Variants in CNGA1 observed in about 807,000 individuals in gnomAD.
The protein encoded by CNGA1 is cyclic nucleotide gated channel subunit alpha 1.
Under a neutral mutation model 69.7 loss-of-function variants are expected in CNGA1, and 53 were observed. That is an observed-to-expected ratio of 0.76 (90% confidence interval 0.61 to 0.96). The LOEUF (loss-of-function observed/expected upper bound fraction) is 0.96, where lower values mean the gene tolerates loss of function less well. Ranked by LOEUF, CNGA1 falls within the 40% of genes least tolerant of loss-of-function variation. CNGA1 has a pLI of 0.00. For synonymous variants in CNGA1, 249 were observed against 283.5 expected (o/e 0.88, Z 1.22); for missense variants, 739 against 811.2 (o/e 0.91, Z 1.08).
At chr4:47,980,482 T>C (rs1181421660) in intron 3 of CNGA1, among the ~76,000 whole-genome samples, 2 of 149,644 alleles carry the variant, frequency 1.3e-5, no homozygotes, top group Non-Finnish European at 3.0e-5. Flanking sequence ...CTTTTTTTTT[T>C]TTTTTTTTTT....
chr4:47,991,660 CT>C (rs1373504534), intron 2 of CNGA1, among the ~76,000 whole-genome samples: 1 of 152,154 alleles, frequency 6.6e-6, no homozygotes, highest in Non-Finnish European at 1.5e-5. Context: ...GGTAAAAGCA[CT>C]TTAGTTTAAT....
intron 2 of CNGA1, among the ~76,000 whole-genome samples, chr4:48,000,785 A>G (rs973813122): frequency 3.9e-5 from 6 of 152,228 alleles, no homozygotes; most frequent in Non-Finnish European, 5.9e-5. Context: ...ATGAGAAACA[A>G]TGTAAGCTTA....
chr4:47,957,934 G>T (rs58024059), intron 3 of CNGA1, among the ~76,000 whole-genome samples: 1 of 144,752 alleles, frequency 6.9e-6, no homozygotes, highest in Non-Finnish European at 1.5e-5. Flanking sequence ...TTGCTCTGTC[G>T]CCCAGGATGG....
chr4:47,950,016 T>C, intron 5 of CNGA1, 121 bp from the exon 6 acceptor site: 1 of 769,488 alleles, frequency 1.3e-6, no homozygotes, highest in Non-Finnish European at 2.3e-6. Flanking sequence ...AAAGACTATG[T>C]AGATGATAGA....
At chr4:47,950,614 A>G (rs1739681524) in intron 5 of CNGA1, among the ~76,000 whole-genome samples, 1 of 152,184 alleles carries the variant, frequency 6.6e-6, no homozygotes, top group Non-Finnish European at 1.5e-5. Context: ...AAGCTAAATA[A>G]AAACAATGGG....
At chr4:47,954,943 T>A (rs183796927) in intron 3 of CNGA1, among the ~76,000 whole-genome samples, 7 of 152,346 alleles carry the variant, frequency 4.6e-5, no homozygotes, top group African/African-American at 1.7e-4. Context: ...AGGGCTGCTA[T>A]GTAAAGGTAC....
chr4:47,945,783 C>G (rs977245227), intron 6 of CNGA1, among the ~76,000 whole-genome samples: 1 of 152,106 alleles, frequency 6.6e-6, no homozygotes, highest in Non-Finnish European at 1.5e-5. Context: ...CTCTTAATTT[C>G]CCCATGTAAT....
chr4:47,999,317 TGCA>T (rs1714554027), intron 2 of CNGA1, among the ~76,000 whole-genome samples: 1 of 152,246 alleles, frequency 6.6e-6, no homozygotes, highest in Non-Finnish European at 1.5e-5. Flanking sequence ...ACATATTCCC[TGCA>T]GATAAAAGAG....
intron 3 of CNGA1, among the ~76,000 whole-genome samples, chr4:47,973,363 A>G (rs1406350225): frequency 6.6e-6 from 1 of 152,168 alleles, no homozygotes; most frequent in Non-Finnish European, 1.5e-5. Context: ...GGCGTGAACC[A>G]CCGCGTCCGG....
chr4:47,974,971 G>C (rs1461931418), intron 3 of CNGA1, among the ~76,000 whole-genome samples: 1 of 152,082 alleles, frequency 6.6e-6, no homozygotes, highest in Non-Finnish European at 1.5e-5. Context: ...AGTCTCGATG[G>C]GGAGGTAATG....
At chr4:48,011,657 C>T (rs546096595) in intron 1 of CNGA1, among the ~76,000 whole-genome samples, 12 of 152,258 alleles carry the variant, frequency 7.9e-5, no homozygotes, top group Admixed American at 1.3e-4. Context: ...TGGTTTTACA[C>T]GTTTTAGAGA....
intron 2 of CNGA1, among the ~76,000 whole-genome samples, chr4:48,005,902 A>G (rs7667811): frequency 0.1 from 15,942 of 152,298 alleles, 1,316 homozygotes; most frequent in East Asian, 0.32. Flanking sequence ...TAAGTTAAGA[A>G]TACTCACAAA....
chr4:47,957,892 A>ATT (rs544231975), intron 3 of CNGA1, among the ~76,000 whole-genome samples: 3 of 121,236 alleles, frequency 2.5e-5, no homozygotes, highest in Non-Finnish European at 5.2e-5. Flanking sequence ...TGTGTTTGTA[A>ATT]TTTTTTTTTT....
intron 3 of CNGA1, among the ~76,000 whole-genome samples, chr4:47,976,150 TATATATATATATATATATATACACATAC>T (rs1741338814): frequency 4.9e-5 from 1 of 20,494 alleles, no homozygotes; most frequent in African/African-American, 2.9e-4. Flanking sequence ...CTTTCATATG[TATATATATATATATATATATACACATAC>T]ATATATATAT....
intron 1 of CNGA1, among the ~76,000 whole-genome samples, chr4:48,014,310 G>A (rs1473649174): frequency 6.6e-6 from 1 of 152,098 alleles, no homozygotes; most frequent in Non-Finnish European, 1.5e-5. Context: ...ATCAATGAAG[G>A]AAAATACATA....
intron 3 of CNGA1, among the ~76,000 whole-genome samples, chr4:47,966,635 A>C (rs1483569156): frequency 6.6e-6 from 1 of 152,192 alleles, no homozygotes; most frequent in African/African-American, 2.4e-5. Context: ...GAATGCCACA[A>C]GTGGGAGACA....
intron 3 of CNGA1, among the ~76,000 whole-genome samples, chr4:47,979,407 A>C (rs1741585009): frequency 6.6e-6 from 1 of 152,170 alleles, no homozygotes; most frequent in South Asian, 2.1e-4. Flanking sequence ...GATATGTAAG[A>C]AAGGACCAGC....
chr4:47,969,204 A>G (rs1740883818), intron 3 of CNGA1, among the ~76,000 whole-genome samples: 1 of 152,076 alleles, frequency 6.6e-6, no homozygotes, highest in African/African-American at 2.4e-5. Flanking sequence ...CACCTTCTCC[A>G]TTAGTGTCAG....
At chr4:47,990,365 G>A (rs993604174) in intron 2 of CNGA1, among the ~76,000 whole-genome samples, 19 of 152,072 alleles carry the variant, frequency 1.2e-4, no homozygotes, top group South Asian at 4.1e-4. Context: ...TGTCTTATGC[G>A]GTTGAGATAA....
Sources: gnomAD v4.1 joint callset for allele counts (sites outside exome capture counted in the v4.1 genomes callset) on GRCh38, gnomAD v4.1.1 for gene constraint, MANE v1.5 for transcripts, NCBI Gene and HGNC (gene_info 2026-07-23, HGNC 2026-07-21) for gene names.